Variants in FSTL5 observed in about 807,000 individuals in gnomAD.
FSTL5 encodes the protein follistatin like 5.
Under a neutral mutation model 89.1 loss-of-function variants are expected in FSTL5, and 62 were observed. The ratio of observed to expected loss-of-function variants is 0.70; its 90% CI spans 0.57 to 0.86. The LOEUF (loss-of-function observed/expected upper bound fraction) is 0.86. FSTL5 is among the 40% of genes least tolerant of loss of function. FSTL5 has a pLI of 0.00. For missense variants in FSTL5, 1,057 were observed against 1,001.6 expected (o/e 1.06, Z -0.75); for synonymous variants, 383 against 346.2 (o/e 1.11, Z -1.18).
At chr4:162,132,278 TAC>T (rs1561036798) in intron 1 of FSTL5, among the ~76,000 whole-genome samples, 1 of 152,202 alleles carries the variant, frequency 6.6e-6, no homozygotes, top group Non-Finnish European at 1.5e-5. Flanking sequence ...TTGTAGGCAC[TAC>T]AGTGCTCCAT....
chr4:161,564,630 T>C (rs546712003), intron 8 of FSTL5, among the ~76,000 whole-genome samples: 132 of 151,740 alleles, frequency 8.7e-4, no homozygotes, highest in African/African-American at 3.0e-3. Context: ...ATGATACTTA[T>C]AATCTTTAAT....
At chr4:161,912,160 G>A (rs888624523) in intron 4 of FSTL5, among the ~76,000 whole-genome samples, 2 of 152,070 alleles carry the variant, frequency 1.3e-5, no homozygotes, top group Non-Finnish European at 2.9e-5. Context: ...TAGAAATATA[G>A]AAGAAAAATC....
intron 12 of FSTL5, among the ~76,000 whole-genome samples, chr4:161,496,866 G>A (rs1191882608): frequency 1.4e-5 from 2 of 145,260 alleles, no homozygotes; most frequent in African/African-American, 5.0e-5. Context: ...AGGGAAACGT[G>A]GCGACAGAGG....
chr4:161,835,005 A>C (rs1199253630), intron 4 of FSTL5, among the ~76,000 whole-genome samples: 3 of 145,860 alleles, frequency 2.1e-5, no homozygotes, highest in African/African-American at 8.0e-5. Context: ...GTCAATCCTA[A>C]GCCAAAAGAA....
intron 8 of FSTL5, among the ~76,000 whole-genome samples, chr4:161,567,979 T>G (rs1487000791): frequency 6.6e-6 from 1 of 151,940 alleles, no homozygotes; most frequent in Non-Finnish European, 1.5e-5. Flanking sequence ...ACTCATCCTT[T>G]CTCATGTGTT....
At chr4:161,772,242 C>G (rs1451639339) in intron 5 of FSTL5, among the ~76,000 whole-genome samples, 1 of 152,126 alleles carries the variant, frequency 6.6e-6, no homozygotes, top group African/African-American at 2.4e-5. Context: ...TTAACTTTTA[C>G]TTATGACTGG....
intron 8 of FSTL5, among the ~76,000 whole-genome samples, chr4:161,567,080 A>G (rs577415418): frequency 1.3e-5 from 2 of 152,262 alleles, no homozygotes; most frequent in South Asian, 4.1e-4. Context: ...AATTCCAGTC[A>G]TAACTTGTGA....
intron 15 of FSTL5, among the ~76,000 whole-genome samples, chr4:161,454,391 G>C (rs1245132422): frequency 5.9e-5 from 9 of 152,100 alleles, no homozygotes; most frequent in Admixed American, 4.6e-4. Context: ...AAGCTTTGCA[G>C]TTTTATAACT....
chr4:161,492,871 T>A (rs535153617), intron 12 of FSTL5, among the ~76,000 whole-genome samples: 1 of 152,180 alleles, frequency 6.6e-6, no homozygotes, highest in African/African-American at 2.4e-5. Context: ...AATGTAAATA[T>A]ATTTTTAAAT....
intron 5 of FSTL5, among the ~76,000 whole-genome samples, chr4:161,775,070 T>C (rs1741357654): frequency 6.6e-6 from 1 of 152,154 alleles, no homozygotes; most frequent in African/African-American, 2.4e-5. Context: ...GAAATACTTG[T>C]TTAATAAGAC....
chr4:161,411,487 C>G (rs961405924), intron 15 of FSTL5, among the ~76,000 whole-genome samples: 17 of 152,126 alleles, frequency 1.1e-4, no homozygotes, highest in Non-Finnish European at 8.8e-5. Context: ...AGTTAATACA[C>G]TATGATCAAG....
chr4:162,115,777 C>G (rs1731613966), intron 1 of FSTL5, among the ~76,000 whole-genome samples: 1 of 152,116 alleles, frequency 6.6e-6, no homozygotes, highest in Non-Finnish European at 1.5e-5. Flanking sequence ...TTCTTTGAAT[C>G]AAGCCATTTT....
At chr4:161,735,028 C>T (rs1001879826) in intron 6 of FSTL5, among the ~76,000 whole-genome samples, 5 of 152,180 alleles carry the variant, frequency 3.3e-5, no homozygotes, top group Admixed American at 3.3e-4. Flanking sequence ...TTCCCCAAGA[C>T]TGGCCCCCCA....
intron 4 of FSTL5, among the ~76,000 whole-genome samples, chr4:161,853,837 C>T (rs1473413147): frequency 1.3e-5 from 2 of 152,096 alleles, no homozygotes; most frequent in African/African-American, 4.8e-5. Context: ...ACTGGGGGGA[C>T]ATTAGCATTC....
At chr4:161,686,350 T>A (rs1468984132) in intron 6 of FSTL5, among the ~76,000 whole-genome samples, 14 of 39,082 alleles carry the variant, frequency 3.6e-4, no homozygotes, top group African/African-American at 1.1e-3. Flanking sequence ...ATATATATTT[T>A]TTTTTTTTTT....
chr4:162,086,362 A>C (rs1730318144), intron 2 of FSTL5, among the ~76,000 whole-genome samples: 1 of 141,706 alleles, frequency 7.1e-6, no homozygotes, highest in South Asian at 2.2e-4. Flanking sequence ...TCCCTCCTTT[A>C]TTTTTGCTAT....
intron 4 of FSTL5, among the ~76,000 whole-genome samples, chr4:161,841,236 T>C (rs899259091): frequency 6.6e-5 from 10 of 152,200 alleles, no homozygotes; most frequent in African/African-American, 2.4e-4. Flanking sequence ...ATCTGATTGA[T>C]TCACCTCTTT....
intron 1 of FSTL5, among the ~76,000 whole-genome samples, chr4:162,120,377 C>T (rs1413264935): frequency 6.6e-6 from 1 of 152,046 alleles, no homozygotes; most frequent in Non-Finnish European, 1.5e-5. Context: ...ACCATCCACA[C>T]CTTGAAAAAC....
rs1342307557 is a variant in FSTL5 at position 161,441,137 on chromosome 4, C to T, written c.1841+13867G>A. Among the ~76,000 whole-genome samples, 5 of 151,996 alleles carry T rather than the reference C, an allele frequency of 3.3e-5. No individual in the cohort carries two copies. In the South Asian group the frequency reaches 6.2e-4, roughly 19 times the overall value. Reference sequence around the variant, plus strand: ...TGGTAAGATATAAGGCAGTCAGTGGCGCTAAGGCACATCCCAGGAGTAGTG... The same window carrying T: ...TGGTAAGATATAAGGCAGTCAGTGGTGCTAAGGCACATCCCAGGAGTAGTG... On this transcript the variant is annotated intron_variant, in intron 15 of 15. Transcript: ENST00000306100.
Sources: allele counts gnomAD v4.1 joint callset (sites outside exome capture counted in the v4.1 genomes callset), GRCh38; gene constraint gnomAD v4.1.1; transcripts MANE v1.5; gene names NCBI Gene and HGNC (gene_info 2026-07-23, HGNC 2026-07-21).